ZNF236: variants seen among roughly 807,000 people sequenced by gnomAD.
The protein encoded by ZNF236 is regulated by glucose.
Under a neutral mutation model 191.2 loss-of-function variants are expected in ZNF236, and 50 were observed. The observed-to-expected ratio is 0.26, with a 90% confidence interval of 0.21 to 0.33. ZNF236 has a LOEUF of 0.33. Ranked by LOEUF, ZNF236 falls within the 10% of genes least tolerant of loss-of-function variation. The pLI, the probability that ZNF236 is intolerant of heterozygous loss-of-function variation, is 1.00. For synonymous variants in ZNF236, 907 were observed against 928.8 expected, an observed-to-expected ratio of 0.98 and a Z score of 0.43; for missense variants, 1,754 against 2,374.5, an observed-to-expected ratio of 0.74 and a Z score of 5.43.
Position 76,827,148 on chromosome 18 carries a change from G to A in ZNF236, c.55+4486G>A, listed in dbSNP as rs566577409. ...TGACCTCGGGTGATCCTCCCACCTC[G>A]CCCTCCCAAAGTGCTGGGATTATAG... On this transcript the variant is annotated intron_variant, in intron 1 of 30. Coordinates refer to ENST00000320610, the MANE Select transcript of ZNF236 (RefSeq NM_001306089.2). 3.4e-4 allele frequency among the ~76,000 whole-genome samples: 51 copies of A among 151,584 alleles called. No homozygotes were observed. In the South Asian group the frequency reaches 3.6e-3, roughly 11 times the overall value.
At position 76,971,450 on chromosome 18, in the gene ZNF236, A is replaced by T. The variant is rs1479027939; in HGVS notation, c.*3111A>T. ...GACAGTGTTCTGCTGGTGGGACATG[A>T]ACATCAGTGCTTGTCTGGCACTTAA... is the stretch of plus-strand genomic sequence containing the variant. On this transcript the variant is annotated 3_prime_UTR_variant, in exon 31 of 31. Transcript: ENST00000320610. Among the ~76,000 whole-genome samples the T allele has an allele frequency of 6.6e-6, 1 of 152,196 alleles. No homozygotes were observed. The highest frequency in any genetic ancestry group is 2.4e-5 in the African/African-American group (1 of 41,448).
At chr18:76,957,282 G>A (rs1321547904) in intron 28 of ZNF236, among the ~76,000 whole-genome samples, 1 of 152,220 alleles carries the variant, frequency 6.6e-6, no homozygotes, top group East Asian at 1.9e-4. Flanking sequence ...CCTGTGACCA[G>A]GATGGCTTTT....
chr18:76,927,946 A>G lies in ZNF236; in HGVS notation c.4434A>G (p.Gln1478=), dbSNP rs373430376. 8.3e-5 allele frequency: 134 copies of G among 1,607,140 alleles called. No homozygotes were observed. The highest frequency in any genetic ancestry group is 1.1e-4 in the Non-Finnish European group (129 of 1,176,740). The change falls in exon 25 of 31, where the codon CAA becomes CAG. Residue 1478 remains glutamine (Q), a synonymous_variant. Transcript: ENST00000320610. The surrounding 1 kb of genome is among the most constrained non-coding windows in gnomAD (Gnocchi z 5.4). ...AATCAGGGACCCAAGACCTCACTCA[A>G]GTGATGACTTCGCAAGGTCTAGTGT... ...TNSSGTQDLT[Q]VMTSQGLVSP... is the part of the protein sequence containing the mutation.
chr18:76,834,752 G>T, intron 1 of ZNF236: 1 of 453,822 alleles, frequency 2.2e-6, no homozygotes, highest in Non-Finnish European at 4.3e-6. Context: ...GATGGGCATG[G>T]ATCGAACATT....
At chr18:76,909,507 C>T (rs186143720) in intron 14 of ZNF236, among the ~76,000 whole-genome samples, 72 of 152,144 alleles carry the variant, frequency 4.7e-4, no homozygotes, top group Admixed American at 2.9e-3. Context: ...GACTGGTCTG[C>T]GGTGAGATGA....
At chr18:76,946,502 A>G (rs1480759861) in intron 26 of ZNF236, among the ~76,000 whole-genome samples, 3 of 152,308 alleles carry the variant, frequency 2.0e-5, no homozygotes, top group Non-Finnish European at 4.4e-5. Flanking sequence ...ACATTGAGAA[A>G]CACCCCTCAC....
Position 76,895,248 on chromosome 18 carries a change from C to T in ZNF236, c.1653C>T (p.Thr551=), listed in dbSNP as rs1216018864. The part of the protein sequence containing the change: ...KCQYCMKSFS[T]SGSLKVHIRL... ...AGTACTGCATGAAGAGCTTCTCCAC[C>T]TCTGGCAGCCTCAAGGTGCACATTC... The change falls in exon 10 of 31, where the codon ACC becomes ACT. Residue 551 remains threonine (T), a synonymous_variant. Coordinates refer to ENST00000320610, the MANE Select transcript of ZNF236 (RefSeq NM_001306089.2). 6.3e-7 allele frequency: 1 copy of T among 1,599,804 alleles called. No individual in the cohort carries two copies. The highest frequency in any genetic ancestry group is 1.7e-5 in the Admixed American group (1 of 60,020).
chr18:76,827,482 G>A (rs565133579), intron 1 of ZNF236, among the ~76,000 whole-genome samples: 1 of 152,312 alleles, frequency 6.6e-6, no homozygotes, highest in African/African-American at 2.4e-5. Context: ...ACCGTGCCTG[G>A]CTGAACAACT....
chr18:76,827,562 C>G (rs1230762266), intron 1 of ZNF236, among the ~76,000 whole-genome samples: 1 of 152,234 alleles, frequency 6.6e-6, no homozygotes, highest in Non-Finnish European at 1.5e-5. Context: ...GAACAAGAGA[C>G]ATGATCTCTA....
chr18:76,914,801 A>G (rs1471260107), intron 18 of ZNF236, among the ~76,000 whole-genome samples: 1 of 152,234 alleles, frequency 6.6e-6, no homozygotes, highest in African/African-American at 2.4e-5. Flanking sequence ...ACAGTTAAAA[A>G]TATTTTTAAC....
chr18:76,972,313 T>C lies in ZNF236; in HGVS notation c.*3974T>C, dbSNP rs1230935674. 2.6e-5 allele frequency among the ~76,000 whole-genome samples: 4 copies of C among 152,200 alleles called. No individual in the cohort carries two copies. The highest frequency in any genetic ancestry group is 5.9e-5 in the Non-Finnish European group (4 of 68,030). On this transcript the variant is annotated 3_prime_UTR_variant, in exon 31 of 31. Transcript: ENST00000320610. ...CCCACATATTCCTAGCAGAGACATGTTCTTTGTCATGGTGTGGCTTGCCAC... is the reference window on the plus strand; with the variant it reads ...CCCACATATTCCTAGCAGAGACATGCTCTTTGTCATGGTGTGGCTTGCCAC...
intron 27 of ZNF236, among the ~76,000 whole-genome samples, chr18:76,953,831 C>T (rs1283549317): frequency 6.6e-6 from 1 of 152,192 alleles, no homozygotes; most frequent in Admixed American, 6.5e-5. Flanking sequence ...GTTGGATCCG[C>T]GCCCGTTCTT....
chr18:76,938,905 T>C (rs771801756), intron 26 of ZNF236, among the ~76,000 whole-genome samples: 2 of 152,256 alleles, frequency 1.3e-5, no homozygotes, highest in Admixed American at 6.5e-5. Context: ...CCTCCTGAGC[T>C]GTGCGGAGCG....
intron 9 of ZNF236, among the ~76,000 whole-genome samples, chr18:76,891,229 GA>G (rs1977222741): frequency 6.6e-6 from 1 of 152,124 alleles, no homozygotes; most frequent in Non-Finnish European, 1.5e-5. Flanking sequence ...TTTTTGAGCT[GA>G]AAAACTTTTT....
intron 3 of ZNF236, among the ~76,000 whole-genome samples, chr18:76,863,572 A>G (rs1976304654): frequency 6.6e-6 from 1 of 152,126 alleles, no homozygotes; most frequent in African/African-American, 2.4e-5. Flanking sequence ...AGAATTGTCA[A>G]TTACAAATTA....
chr18:76,892,522 G>A (rs1977279714), intron 9 of ZNF236, among the ~76,000 whole-genome samples: 1 of 151,790 alleles, frequency 6.6e-6, no homozygotes, highest in Non-Finnish European at 1.5e-5. Flanking sequence ...GTCTTTTCAT[G>A]TTGAAGATGA....
intron 22 of ZNF236, among the ~76,000 whole-genome samples, chr18:76,926,319 A>G (rs189310385): frequency 8.1e-4 from 124 of 152,224 alleles, no homozygotes; most frequent in African/African-American, 2.8e-3. Flanking sequence ...GTATGTGTAT[A>G]TGGTATAAAT....
intron 1 of ZNF236, among the ~76,000 whole-genome samples, chr18:76,827,746 C>T (rs1392987704): frequency 6.6e-6 from 1 of 152,172 alleles, no homozygotes; most frequent in African/African-American, 2.4e-5. Flanking sequence ...TCACAGGCAT[C>T]GATGGGGCAG....
At position 76,971,970 on chromosome 18, in the gene ZNF236, G is replaced by A. The variant is rs1208329088; in HGVS notation, c.*3631G>A. On this transcript the variant is annotated 3_prime_UTR_variant, in exon 31 of 31. Coordinates refer to ENST00000320610, the MANE Select transcript of ZNF236 (RefSeq NM_001306089.2). The stretch of plus-strand genomic sequence containing the variant: ...AGTTAATCCAAGGATTGATCGTTGC[G>A]AATGTATCCCTTTTCCAAGACCTAC... Among the ~76,000 whole-genome samples the A allele has an allele frequency of 1.3e-5, 2 of 152,172 alleles. No homozygotes were observed. The highest frequency in any genetic ancestry group is 4.8e-5 in the African/African-American group (2 of 41,440).
Sources: allele counts gnomAD v4.1 joint callset (sites outside exome capture counted in the v4.1 genomes callset), GRCh38; gene constraint gnomAD v4.1.1; non-coding constraint Gnocchi (gnomAD v3.1); transcripts MANE v1.5; gene names NCBI Gene and HGNC (gene_info 2026-07-23, HGNC 2026-07-21).